Variants in KDM6A observed in about 807,000 individuals in gnomAD.
KDM6A encodes the protein lysine demethylase 6A.
In KDM6A, 11 loss-of-function variants were observed where a neutral mutation model predicts 117.6. The ratio of observed to expected loss-of-function variants is 0.09; its 90% CI spans 0.06 to 0.15. The LOEUF is 0.15. Among genes scored for constraint, KDM6A ranks in the 10% least tolerant of loss-of-function variants. The pLI, the probability that KDM6A is intolerant of heterozygous loss-of-function variation, is 1.00. For missense variants in KDM6A, 799 were observed against 1,077.3 expected (o/e 0.74, Z 3.62); for synonymous variants, 384 against 396.1 (o/e 0.97, Z 0.36).
At chrX:45,004,140 C>T (rs945892334) in intron 4 of KDM6A, among the ~76,000 whole-genome samples, 4 of 110,604 alleles carry the variant, frequency 3.6e-5, no homozygotes, top group East Asian at 2.9e-4. Context: ...GCCTGTTCTT[C>T]GACATCAATA....
At chrX:44,983,362 T>A (rs951331861) in intron 4 of KDM6A, among the ~76,000 whole-genome samples, 1 of 111,612 alleles carries the variant, frequency 9.0e-6, no homozygotes, top group Non-Finnish European at 1.9e-5. Flanking sequence ...GTTGACAGGG[T>A]CTCTTTTGAC....
At chrX:45,085,676 A>C in intron 24 of KDM6A, among the ~76,000 whole-genome samples, 189 bp from the exon 25 acceptor site, 1 of 111,833 alleles carries the variant, frequency 8.9e-6, no homozygotes, top group Non-Finnish European at 1.9e-5. Context: ...AGTTGACACA[A>C]AAATGCTACA....
At chrX:45,085,427 A>C (rs757148518) in intron 24 of KDM6A, among the ~76,000 whole-genome samples, 1 of 111,926 alleles carries the variant, frequency 8.9e-6, no homozygotes, top group South Asian at 3.7e-4. Flanking sequence ...CTGTAAGTTA[A>C]GGAGCATCTG....
chrX:45,059,158 C>T, intron 11 of KDM6A, 54 bp downstream of exon 11: 1 of 1,167,736 alleles, frequency 8.6e-7, no homozygotes, highest in South Asian at 1.8e-5. Context: ...AAGATGGTTG[C>T]ATCACATATA....
At chrX:44,891,950 A>G (rs753570903) in intron 2 of KDM6A, among the ~76,000 whole-genome samples, 21 of 112,680 alleles carry the variant, frequency 1.9e-4, no homozygotes, top group Non-Finnish European at 3.6e-4. Flanking sequence ...TAAGCATGCC[A>G]GGGCAAATAG....
intron 3 of KDM6A, among the ~76,000 whole-genome samples, chrX:44,967,490 T>C (rs971468166): frequency 8.9e-6 from 1 of 112,006 alleles, no homozygotes; most frequent in Non-Finnish European, 1.9e-5. Flanking sequence ...ATAGGCGACT[T>C]ACTGGCCTTG....
chrX:45,090,542 C>T (rs761973934), intron 26 of KDM6A, among the ~76,000 whole-genome samples, 181 bp from the exon 27 acceptor site: 27 of 111,831 alleles, frequency 2.4e-4, no homozygotes, highest in Non-Finnish European at 4.1e-4. Flanking sequence ...ATAGGAAGTG[C>T]TCTTTATATG....
chrX:44,904,003 C>T (rs1321959433), intron 2 of KDM6A, among the ~76,000 whole-genome samples: 1 of 111,630 alleles, frequency 9.0e-6, no homozygotes, highest in African/African-American at 3.3e-5. Flanking sequence ...ATGGCTGGAT[C>T]GTTTTATGTC....
At chrX:44,906,010 T>C (rs2034629820) in intron 2 of KDM6A, among the ~76,000 whole-genome samples, 1 of 112,254 alleles carries the variant, frequency 8.9e-6, no homozygotes, top group African/African-American at 3.2e-5. Context: ...GGGTTTGGTC[T>C]CTACAGACAA....
intron 4 of KDM6A, among the ~76,000 whole-genome samples, chrX:44,987,523 C>T (rs760079582): frequency 9.0e-6 from 1 of 111,731 alleles, no homozygotes; most frequent in Non-Finnish European, 1.9e-5. Flanking sequence ...TACAATTTGT[C>T]ATGTTTTTGC....
intron 2 of KDM6A, among the ~76,000 whole-genome samples, chrX:44,957,279 C>G (rs767222693): frequency 8.9e-6 from 1 of 112,233 alleles, no homozygotes; most frequent in Non-Finnish European, 1.9e-5. Flanking sequence ...CCAGCTACTG[C>G]AGTTAATCTT....
chrX:45,004,651 C>T (rs1336485770), intron 4 of KDM6A, among the ~76,000 whole-genome samples: 2 of 111,010 alleles, frequency 1.8e-5, no homozygotes, highest in Non-Finnish European at 1.9e-5. Flanking sequence ...AGAAAGATTT[C>T]GGGTTCGGGG....
At chrX:44,953,850 C>G (rs1357758392) in intron 2 of KDM6A, among the ~76,000 whole-genome samples, 1 of 110,804 alleles carries the variant, frequency 9.0e-6, no homozygotes, top group African/African-American at 3.3e-5. Context: ...GCGGGTGGAT[C>G]GTTTGAGACC....
chrX:45,097,812 AT>A (rs1387133857), intron 27 of KDM6A, among the ~76,000 whole-genome samples: 2 of 112,109 alleles, frequency 1.8e-5, no homozygotes, highest in Non-Finnish European at 3.8e-5. Flanking sequence ...TGAGTAAGTC[AT>A]TTAGTAAATC....
intron 4 of KDM6A, among the ~76,000 whole-genome samples, chrX:44,981,161 A>G (rs1274823219): frequency 9.0e-6 from 1 of 111,654 alleles, no homozygotes; most frequent in Non-Finnish European, 1.9e-5. Context: ...ATTCAGTTCA[A>G]TTCTGACATT....
At chrX:45,093,634 CT>C (rs2045984263) in intron 27 of KDM6A, among the ~76,000 whole-genome samples, 1 of 110,361 alleles carries the variant, frequency 9.1e-6, no homozygotes, top group South Asian at 3.9e-4. Flanking sequence ...CCAAGGAAAA[CT>C]TATAGTCTTT....
chrX:45,092,786 T>C (rs2045945520), intron 27 of KDM6A, among the ~76,000 whole-genome samples: 1 of 111,497 alleles, frequency 9.0e-6, no homozygotes, highest in Non-Finnish European at 1.9e-5. Flanking sequence ...AGTTTTCTGC[T>C]TAGCCCTGAA....
intron 2 of KDM6A, among the ~76,000 whole-genome samples, chrX:44,876,369 G>C (rs1427898819): frequency 1.8e-5 from 2 of 111,747 alleles, no homozygotes; most frequent in Non-Finnish European, 3.8e-5. Context: ...GAGTCCTGCT[G>C]TAGGAAGTCT....
intron 27 of KDM6A, among the ~76,000 whole-genome samples, chrX:45,099,295 C>CTTT (rs11380643): frequency 0.039 from 3,974 of 101,054 alleles, 74 homozygotes; most frequent in Middle Eastern, 0.08. Flanking sequence ...CCAAAAATGT[C>CTTT]TTTTTTTTTT....
Sources: gnomAD v4.1 joint callset for allele counts (sites outside exome capture counted in the v4.1 genomes callset) on GRCh38, gnomAD v4.1.1 for gene constraint, MANE v1.5 for transcripts, NCBI Gene and HGNC (gene_info 2026-07-23, HGNC 2026-07-21) for gene names.